CCDC141: variants seen among roughly 807,000 people sequenced by gnomAD.
CCDC141 encodes coiled-coil domain-containing protein 141.
In CCDC141, 168 loss-of-function variants were observed where a neutral mutation model predicts 181.0. That is an observed-to-expected ratio of 0.93 (90% CI 0.82 to 1.05). The LOEUF (loss-of-function observed/expected upper bound fraction) is 1.05. Ranked by LOEUF, CCDC141 falls within the 50% of genes least tolerant of loss-of-function variation. The pLI, the probability that CCDC141 is intolerant of heterozygous loss-of-function variation, is 0.00. For missense variants in CCDC141, 1,902 were observed against 1,788.5 expected (o/e 1.06, Z -1.14); for synonymous variants, 666 against 642.3 (o/e 1.04, Z -0.56).
chr2:178,967,620 C>A (rs1195492671), intron 4 of CCDC141, among the ~76,000 whole-genome samples: 2 of 152,160 alleles, frequency 1.3e-5, no homozygotes, highest in Middle Eastern at 3.2e-3. Flanking sequence ...CAACTTGTAC[C>A]AGCCACTGCA....
chr2:178,821,356 C>T, the CCDC141 span, among the ~76,000 whole-genome samples: 2 of 152,148 alleles, frequency 1.3e-5, no homozygotes, highest in East Asian at 1.9e-4. Context: ...CTGTCTTCTG[C>T]TTCCCAGGAA....
chr2:178,860,863 A>G (rs1337627829), intron 17 of CCDC141, among the ~76,000 whole-genome samples: 1 of 152,102 alleles, frequency 6.6e-6, no homozygotes, highest in Non-Finnish European at 1.5e-5. Context: ...TCCATTTTGC[A>G]TGTTTTGTGT....
At chr2:178,838,140 G>A (rs1012595763) in intron 22 of CCDC141, among the ~76,000 whole-genome samples, 6 of 152,182 alleles carry the variant, frequency 3.9e-5, no homozygotes, top group African/African-American at 1.4e-4. Flanking sequence ...ACACACAGAT[G>A]CTGACCATCA....
chr2:178,939,787 A>G (rs1689435408), intron 6 of CCDC141, among the ~76,000 whole-genome samples: 1 of 151,962 alleles, frequency 6.6e-6, no homozygotes, highest in Admixed American at 6.6e-5. Context: ...GACAAATGGG[A>G]ATGGTTGAAT....
At chr2:178,935,104 C>A (rs1358838032) in intron 6 of CCDC141, among the ~76,000 whole-genome samples, 5 of 152,004 alleles carry the variant, frequency 3.3e-5, no homozygotes, top group African/African-American at 7.2e-5. Flanking sequence ...AATGTGGATA[C>A]TTTCACAAAC....
intron 14 of CCDC141, among the ~76,000 whole-genome samples, chr2:178,871,081 C>T (rs1221075977): frequency 6.6e-6 from 1 of 152,050 alleles, no homozygotes; most frequent in Non-Finnish European, 1.5e-5. Context: ...CATCCTTGTT[C>T]TGAGATGTCT....
intron 2 of CCDC141, among the ~76,000 whole-genome samples, chr2:179,011,968 A>G (rs1218193487): frequency 3.9e-5 from 6 of 152,166 alleles, no homozygotes; most frequent in Admixed American, 1.3e-4. Flanking sequence ...GATACAGCAA[A>G]GGTGGTGCTA....
rs2635130 is a variant in CCDC141 at position 178,962,510 on chromosome 2, C to T, written c.527-1027G>A. Among the ~76,000 whole-genome samples the T allele has an allele frequency of 2.2e-3, 333 of 152,260 alleles. 3 individuals carry two copies. Among genetic ancestry groups the T allele is most frequent in the African/African-American group, 7.2e-3 (298 of 41,560 alleles). ...ATGTGCAGTCTTCTCTTAATTGTAT[C>T]CTCTCTCCAATCCATCTATCAATGC... On this transcript the variant is annotated intron_variant, in intron 4 of 23. Coordinates refer to ENST00000443758, the MANE Select transcript of CCDC141 (RefSeq NM_173648.4).
At chr2:178,887,339 A>T (rs766746465) in intron 9 of CCDC141, among the ~76,000 whole-genome samples, 11 of 152,202 alleles carry the variant, frequency 7.2e-5, no homozygotes, top group Non-Finnish European at 1.6e-4. Context: ...GACGTGTTAT[A>T]GTAAAACACA....
chr2:178,857,122 CCATT>C (rs201380184), intron 17 of CCDC141, among the ~76,000 whole-genome samples: 4 of 151,590 alleles, frequency 2.6e-5, no homozygotes. Context: ...ATCTTTTTTC[CCATT>C]CATTCTGTTT....
chr2:178,970,157 G>T (rs1009212746), intron 4 of CCDC141, among the ~76,000 whole-genome samples: 1 of 152,126 alleles, frequency 6.6e-6, no homozygotes, highest in African/African-American at 2.4e-5. Flanking sequence ...CCATGCTCAC[G>T]GATAGGAAGA....
At chr2:179,012,773 A>G (rs956826248) in intron 2 of CCDC141, among the ~76,000 whole-genome samples, 1 of 152,182 alleles carries the variant, frequency 6.6e-6, no homozygotes, top group Non-Finnish European at 1.5e-5. Flanking sequence ...CACCATGATC[A>G]AGTGGGTTTC....
At position 178,868,136 on chromosome 2, in the gene CCDC141, C is replaced by T; in HGVS notation, c.2464G>A (p.Asp822Asn). ...EQPKELGDAH[D>N]VQIHLRCSQE... The stretch of plus-strand genomic sequence containing the variant: ...GAGCACCGGAGGTGAATCTGCACAT[C>T]ATGGGCATCACCCAGTTCCTTCGGC... The change falls in exon 16 of 24, where the codon GAT (aspartate) becomes AAT (asparagine). Residue 822 changes from aspartate (D) to asparagine (N), a missense_variant. Transcript: ENST00000443758. The T allele has an allele frequency of 1.2e-6, 2 of 1,614,074 alleles. No individual in the cohort carries two copies. Among genetic ancestry groups the T allele is most frequent in the Non-Finnish European group, 1.7e-6 (2 of 1,179,942 alleles).
At chr2:178,991,293 A>T (rs557812254) in intron 2 of CCDC141, among the ~76,000 whole-genome samples, 1 of 152,334 alleles carries the variant, frequency 6.6e-6, no homozygotes, top group East Asian at 1.9e-4. Context: ...CTTTCCTCCC[A>T]TATAAAACAT....
chr2:179,043,099 T>G (rs1251180140), intron 2 of CCDC141, among the ~76,000 whole-genome samples: 1 of 152,106 alleles, frequency 6.6e-6, no homozygotes, highest in Non-Finnish European at 1.5e-5. Flanking sequence ...AACACCTCTA[T>G]GCACATAAAC....
chr2:178,879,079 T>C (rs747262294), intron 11 of CCDC141, among the ~76,000 whole-genome samples: 2 of 152,246 alleles, frequency 1.3e-5, no homozygotes, highest in Non-Finnish European at 2.9e-5. Context: ...AATTATATTT[T>C]CTCATTTGCT....
chr2:178,917,033 A>G (rs1220749188), intron 7 of CCDC141, among the ~76,000 whole-genome samples: 2 of 152,140 alleles, frequency 1.3e-5, no homozygotes, highest in Admixed American at 1.3e-4. Context: ...TAATGAGAGC[A>G]GAGAAAACAA....
At chr2:178,845,468 A>C (rs4894053) in intron 22 of CCDC141, among the ~76,000 whole-genome samples, 158 bp downstream of exon 22, 4,702 of 152,260 alleles carry the variant, frequency 0.031, 234 homozygotes, top group Admixed American at 0.13. Flanking sequence ...AGAGGAGCAA[A>C]AGGAAGCAAG....
At chr2:179,015,095 TATATATATAATATATATATAATC>T (rs1315861621) in intron 2 of CCDC141, among the ~76,000 whole-genome samples, 3,214 of 34,668 alleles carry the variant, frequency 0.093, 410 homozygotes, top group Non-Finnish European at 0.14. Context: ...TATATATATA[TATATATATAATATATATATAATC>T]ATATATATAT....
Sources: allele counts gnomAD v4.1 joint callset (sites outside exome capture counted in the v4.1 genomes callset), GRCh38; gene constraint gnomAD v4.1.1; transcripts MANE v1.5; gene names NCBI Gene and HGNC (gene_info 2026-07-23, HGNC 2026-07-21).